The following TSEN2 variants were observed in gnomAD, a reference collection of about 807,000 sequenced individuals.
TSEN2 encodes the protein tRNA splicing endonuclease subunit 2.
TSEN2 carries 54 observed loss-of-function variants against 59.2 expected under a neutral mutation model. The ratio of observed to expected loss-of-function variants is 0.91; its 90% CI spans 0.73 to 1.14. The LOEUF (loss-of-function observed/expected upper bound fraction) is 1.14, where lower values mean the gene tolerates loss of function less well. Among genes scored for constraint, TSEN2 ranks in the 50% most tolerant of loss-of-function variants. TSEN2 has a pLI of 0.00. For missense variants in TSEN2, 636 were observed against 576.2 expected (o/e 1.10, Z -1.06); for synonymous variants, 195 against 198.2 (o/e 0.98, Z 0.14).
rs535642181 is a variant in TSEN2 at position 12,531,654 on chromosome 3, G to A, written c.1333G>A (p.Val445Ile). 8.9e-5 allele frequency: 142 copies of A among 1,598,972 alleles called. No homozygotes were observed. Among genetic ancestry groups the A allele is most frequent in the South Asian group, 8.8e-4 (80 of 90,758 alleles). The change falls in exon 11 of 12, where the codon GTT becomes ATT. Residue 445 changes from valine (V) to isoleucine (I), a missense_variant. Physicochemically the swap from Val to Ile is conservative, Grantham distance 29. Coordinates refer to ENST00000284995, the MANE Select transcript of TSEN2 (RefSeq NM_025265.4). ...ACCAGAATGTATGAAAAGGATTAAA[G>A]TTCAGGTGGGTAAACTCAGAGAAAT... Reference protein sequence around the residue: ...ESPECMKRIKVQEVILSRWVS... With the variant: ...ESPECMKRIKIQEVILSRWVS...
At position 12,529,785 on chromosome 3, in the gene TSEN2, T is replaced by C. The variant is rs1023325209; in HGVS notation, c.1160T>C (p.Val387Ala). 2.2e-5 allele frequency: 35 copies of C among 1,614,034 alleles called. No individual in the cohort carries two copies. The highest frequency in any genetic ancestry group is 4.0e-5 in the African/African-American group (3 of 74,938). ...AGTTATTCTGTCATTATCGAGCTAG[T>C]TGATGACCATTTTGAAGGCTCTCTC... is the stretch of plus-strand genomic sequence containing the variant. ...HASYSVIIEL[V>A]DDHFEGSLRR... The change falls in exon 10 of 12, where the codon GTT (valine) becomes GCT (alanine). Residue 387 changes from valine (V) to alanine (A), a missense_variant. By Grantham distance (64) the Val-to-Ala change is moderately conservative. Transcript: ENST00000284995.
chr3:12,494,265 G>A (rs1364088002), intron 3 of TSEN2, among the ~76,000 whole-genome samples: 7 of 152,204 alleles, frequency 4.6e-5, no homozygotes, highest in South Asian at 2.1e-4. Flanking sequence ...ATGAAGGACC[G>A]TGGAGCTGAG....
At chr3:12,512,577 T>G (rs1179437112) in intron 6 of TSEN2, among the ~76,000 whole-genome samples, 1 of 152,260 alleles carries the variant, frequency 6.6e-6, no homozygotes, top group Non-Finnish European at 1.5e-5. Context: ...GTGAAAGTAT[T>G]ACACAGTGAC....
intron 6 of TSEN2, among the ~76,000 whole-genome samples, chr3:12,514,523 G>C (rs971860911): frequency 6.6e-6 from 1 of 152,064 alleles, no homozygotes; most frequent in African/African-American, 2.4e-5. Context: ...CCACAGACTT[G>C]GGACCAAGAA....
At chr3:12,531,841 T>C (rs545862626) in intron 11 of TSEN2, among the ~76,000 whole-genome samples, 182 bp downstream of exon 11, 2 of 152,330 alleles carry the variant, frequency 1.3e-5, no homozygotes, top group South Asian at 4.1e-4. Flanking sequence ...AAATCTATGC[T>C]GACTTCCTCT....
chr3:12,508,265 C>T (rs1046791690), intron 6 of TSEN2, among the ~76,000 whole-genome samples: 1 of 152,140 alleles, frequency 6.6e-6, no homozygotes, highest in Non-Finnish European at 1.5e-5. Flanking sequence ...TTGAACACCC[C>T]CTGATGAAAG....
At position 12,519,202 on chromosome 3, in the gene TSEN2, GTAAT is replaced by G; in HGVS notation, c.1099+7_1099+10del. The G allele has an allele frequency of 6.2e-7, 1 of 1,614,224 alleles. No homozygotes were observed. Among genetic ancestry groups the G allele is most frequent in the South Asian group, 1.1e-5 (1 of 91,084 alleles). On this transcript the variant is annotated splice_donor_region_variant and intron_variant, in intron 8 of 11. Transcript: ENST00000284995. ...TCAAGTACGGGACAGATTTACGTAA[GTAAT>G]TCTTGGCGTGGTGTGTGTGAGAATA... is the stretch of plus-strand genomic sequence containing the variant.
intron 1 of TSEN2, among the ~76,000 whole-genome samples, chr3:12,488,691 GCTTT>G (rs1559270478): frequency 6.6e-6 from 1 of 152,176 alleles, no homozygotes; most frequent in Non-Finnish European, 1.5e-5. Context: ...ACTGGCTTTG[GCTTT>G]CTGTTCTCCC....
intron 7 of TSEN2, among the ~76,000 whole-genome samples, chr3:12,517,764 G>A (rs535934064): frequency 2.0e-5 from 3 of 152,150 alleles, no homozygotes; most frequent in South Asian, 2.1e-4. Flanking sequence ...GCTTCCTCTC[G>A]CGGGCCTTAG....
At chr3:12,495,438 C>A (rs771877268) in intron 3 of TSEN2, among the ~76,000 whole-genome samples, 30 of 152,138 alleles carry the variant, frequency 2.0e-4, no homozygotes, top group Non-Finnish European at 2.9e-4. Context: ...CCATGTTACC[C>A]AGGCTGGTCT....
chr3:12,523,445 C>T (rs1350811723), intron 8 of TSEN2, among the ~76,000 whole-genome samples: 2 of 151,304 alleles, frequency 1.3e-5, no homozygotes, highest in East Asian at 1.9e-4. Flanking sequence ...CAGTTCTGTC[C>T]GTGAATGGAG....
At chr3:12,497,772 G>A (rs2053903404) in intron 4 of TSEN2, among the ~76,000 whole-genome samples, 1 of 152,206 alleles carries the variant, frequency 6.6e-6, no homozygotes, top group South Asian at 2.1e-4. Context: ...AAGTTTCATT[G>A]ACCCTTGTAT....
At chr3:12,532,375 T>C (rs150578594) in intron 11 of TSEN2, among the ~76,000 whole-genome samples, 208 of 152,318 alleles carry the variant, frequency 1.4e-3, no homozygotes, top group African/African-American at 4.8e-3. Flanking sequence ...TAATGTAAAA[T>C]GCTAGCTTTC....
chr3:12,530,866 G>A (rs1259128398), intron 10 of TSEN2: 2 of 641,296 alleles, frequency 3.1e-6, no homozygotes, highest in African/African-American at 2.0e-5. Flanking sequence ...AAACAATGTT[G>A]AAGTTTATTT....
chr3:12,502,644 CAT>C (rs1298786734), intron 4 of TSEN2, among the ~76,000 whole-genome samples: 2 of 144,000 alleles, frequency 1.4e-5, no homozygotes, highest in African/African-American at 2.5e-5. Flanking sequence ...GATAAATTTT[CAT>C]AGTTTGTTAA....
chr3:12,534,724 A>C (rs2125272652), downstream of TSEN2, among the ~76,000 whole-genome samples: 1 of 151,860 alleles, frequency 6.6e-6, no homozygotes, highest in East Asian at 1.9e-4. Flanking sequence ...GAATGGCATG[A>C]ACCCAGGAGG....
rs931898007 is a variant in TSEN2, at chr3:12,491,353, C to T, written c.190-783C>T. ...GTGTTTGTTTTATTCTTTCAATTTT[C>T]TGTGTGTTTAAATATTTTGTAATGA... On this transcript the variant is annotated intron_variant, in intron 2 of 11. Coordinates refer to ENST00000284995, the MANE Select transcript of TSEN2 (RefSeq NM_025265.4). 6.0e-4 allele frequency among the ~76,000 whole-genome samples: 91 copies of T among 152,158 alleles called. 1 individual carries two copies. Among genetic ancestry groups the T allele is most frequent in the African/African-American group, 2.0e-3 (85 of 41,510 alleles).
chr3:12,519,227 G>A (rs776551865), intron 8 of TSEN2, 30 bp downstream of exon 8: 67 of 1,613,820 alleles, frequency 4.2e-5, no homozygotes, highest in Non-Finnish European at 5.5e-5. Context: ...GTGTGTGTGA[G>A]AATAGAGTTT....
chr3:12,510,536 C>G (rs2055331546), intron 6 of TSEN2, among the ~76,000 whole-genome samples: 1 of 152,180 alleles, frequency 6.6e-6, no homozygotes, highest in African/African-American at 2.4e-5. Flanking sequence ...AGGGACACAC[C>G]AGGGTCGGGC....
Sources: gnomAD v4.1 joint callset for allele counts (sites outside exome capture counted in the v4.1 genomes callset) on GRCh38, gnomAD v4.1.1 for gene constraint, MANE v1.5 for transcripts, NCBI Gene and HGNC (gene_info 2026-07-23, HGNC 2026-07-21) for gene names.